Variants in SLC12A3 observed in about 807,000 individuals in gnomAD.
SLC12A3 encodes the protein Na-Cl cotransporter.
Under a neutral mutation model 121.0 loss-of-function variants are expected in SLC12A3, and 104 were observed. The observed-to-expected ratio is 0.86, with a 90% CI of 0.73 to 1.01. The LOEUF is 1.01. Ranked by LOEUF, SLC12A3 falls within the 50% of genes least tolerant of loss-of-function variation. The probability of loss-of-function intolerance (pLI) is 0.00; values close to 1 mark genes in which losing one functional copy is unlikely to be tolerated. For missense variants in SLC12A3, 1,328 were observed against 1,356.3 expected (o/e 0.98, Z 0.33); for synonymous variants, 536 against 533.4 (o/e 1.00, Z -0.07).
rs1277116234 is a variant in SLC12A3, at chr16:56,914,322, CAGTA to C, written c.*920_*923del. 1 of 152,242 alleles carries C rather than the reference CAGTA, an allele frequency of 6.6e-6. No individual in the cohort carries two copies. The highest frequency in any genetic ancestry group is 1.5e-5 in the Non-Finnish European group (1 of 68,054). 9.4% of individuals were successfully genotyped at this position (152,242 alleles called of 1,614,324 possible). Reference sequence around the variant, plus strand: ...TTCGAACTTTTTTGGTTGCAACACACAGTAAGAAATATACTTCACACTGAGACTT... The same window carrying C: ...TTCGAACTTTTTTGGTTGCAACACACAGAAATATACTTCACACTGAGACTT... On this transcript the variant is annotated 3_prime_UTR_variant, in exon 26 of 26. Transcript: ENST00000563236.
chr16:56,877,431 A>T (rs2055177825), intron 8 of SLC12A3, among the ~76,000 whole-genome samples: 2 of 152,188 alleles, frequency 1.3e-5, no homozygotes, highest in African/African-American at 2.4e-5. Context: ...AAATAATTTT[A>T]AAAAAGCAAG....
intron 24 of SLC12A3, 23 bp downstream of exon 24, chr16:56,902,531 G>GGGGCGCC: frequency 1.3e-5 from 9 of 714,460 alleles, no homozygotes; most frequent in Non-Finnish European, 2.2e-5. Context: ...GTGGGGGTGG[G>GGGGCGCC]AAACGCGACA....
At chr16:56,907,363 CAGG>C (rs10566941) in intron 25 of SLC12A3, among the ~76,000 whole-genome samples, 5,498 of 152,256 alleles carry the variant, frequency 0.036, 154 homozygotes, top group African/African-American at 0.074. Flanking sequence ...GAGGCTGAGA[CAGG>C]AGAATTGCTT....
chr16:56,901,345 C>CTTTTTTT (rs1408480661), intron 23 of SLC12A3, among the ~76,000 whole-genome samples: 13 of 84,142 alleles, frequency 1.5e-4, no homozygotes, highest in African/African-American at 7.4e-4. Context: ...ATCTCTCTCT[C>CTTTTTTT]TCTTTTTTTT....
intron 25 of SLC12A3, among the ~76,000 whole-genome samples, chr16:56,908,161 C>CT (rs55644914): frequency 0.45 from 43,557 of 96,858 alleles, 11,733 homozygotes; most frequent in Non-Finnish European, 0.53. Flanking sequence ...AGTGATATAA[C>CT]TTTTTTTTTT....
intron 8 of SLC12A3, among the ~76,000 whole-genome samples, chr16:56,877,712 C>T (rs1255841097): frequency 2.0e-5 from 3 of 152,230 alleles, no homozygotes; most frequent in East Asian, 3.8e-4. Context: ...ACTCCAGAGC[C>T]CACCACCCTG....
In SLC12A3 at chr16:56,868,073, C is replaced by T. The variant is rs527873079; in HGVS notation, c.430-224C>T. On this transcript the variant is annotated intron_variant, in intron 2 of 25. Transcript: ENST00000563236. ...CTGGTAGCCTAGCGTCAGGACTCAACGGGAGGGTGGGAAAATAGGTGGGAG... is the reference window on the plus strand; with the variant it reads ...CTGGTAGCCTAGCGTCAGGACTCAATGGGAGGGTGGGAAAATAGGTGGGAG... Among the ~76,000 whole-genome samples the T allele has an allele frequency of 5.3e-5, 8 of 152,216 alleles. No individual in the cohort carries two copies. The East Asian group carries it at 7.7e-4, about 15-fold the overall frequency.
intron 18 of SLC12A3, among the ~76,000 whole-genome samples, 169 bp downstream of exon 18, chr16:56,888,200 G>C (rs886209598): frequency 6.6e-6 from 1 of 152,214 alleles, no homozygotes; most frequent in Non-Finnish European, 1.5e-5. Context: ...GCTCACTTGA[G>C]CCCAGGAGTT....
intron 18 of SLC12A3, 50 bp from the exon 19 acceptor site, chr16:56,890,224 C>A: frequency 1.4e-6 from 2 of 1,480,060 alleles, no homozygotes; most frequent in African/African-American, 1.4e-5. Flanking sequence ...CAGGTCACCT[C>A]CCCAGTGGGA....
chr16:56,887,703 A>T (rs1208802903), intron 17 of SLC12A3, among the ~76,000 whole-genome samples: 1 of 149,026 alleles, frequency 6.7e-6, no homozygotes, highest in Non-Finnish European at 1.5e-5. Context: ...TGGAATTCAG[A>T]TATTTCCTCC....
At chr16:56,901,132 C>T (rs533795476) in intron 23 of SLC12A3, among the ~76,000 whole-genome samples, 2 of 152,268 alleles carry the variant, frequency 1.3e-5, no homozygotes, top group African/African-American at 2.4e-5. Flanking sequence ...TCCAAGACAC[C>T]CCTTCCACTG....
intron 8 of SLC12A3, among the ~76,000 whole-genome samples, chr16:56,874,958 G>C (rs2055147708): frequency 6.6e-6 from 1 of 152,218 alleles, no homozygotes; most frequent in Admixed American, 6.5e-5. Flanking sequence ...CTGGGGAATG[G>C]CCAGCAGAGG....
intron 23 of SLC12A3, 111 bp from the exon 24 acceptor site, chr16:56,902,262 C>T: frequency 4.3e-6 from 6 of 1,385,868 alleles, no homozygotes; most frequent in Non-Finnish European, 6.1e-6. Flanking sequence ...CGATGGGTTT[C>T]AGCCTGAAAA....
rs1224071511 is a variant in SLC12A3, at chr16:56,890,336, C to G, written c.2348C>G (p.Ser783Cys). 6.2e-7 allele frequency: 1 copy of G among 1,614,062 alleles called. No homozygotes were observed. The highest frequency in any genetic ancestry group is 1.1e-5 in the South Asian group (1 of 91,084). Residue 783 changes from serine to cysteine, a missense_variant, in exon 19 of 26, where the codon TCC becomes TGC. By Grantham distance (112) the Ser-to-Cys change is moderately radical. Transcript: ENST00000563236. ...AGGATGCGGGAGGGACTCAACGTGT[C>G]CAAGATGATGCAGGCGCACAGTGAG... is the stretch of plus-strand genomic sequence containing the variant. ...VMRMREGLNV[S>C]KMMQAHINPV...
chr16:56,874,800 A>G (rs570452430), intron 8 of SLC12A3, among the ~76,000 whole-genome samples: 1 of 152,144 alleles, frequency 6.6e-6, no homozygotes, highest in South Asian at 2.1e-4. Flanking sequence ...GCGGAACTCC[A>G]TCTCAAACCT....
rs146738949 is a variant in SLC12A3 at position 56,879,681 on chromosome 16, G to C, written c.1443+32G>C. 5 of 1,537,734 alleles carry C rather than the reference G, an allele frequency of 3.3e-6. No homozygotes were observed. The South Asian group carries it at 3.3e-5, about 10-fold the overall frequency. ...CCGCAGAAAGGGGTCGAGATGACAG[G>C]GGGTGGGGAGCCTGGGCTAGAGGCA... On this transcript the variant is annotated intron_variant, in intron 11 of 25. Transcript: ENST00000563236.
intron 13 of SLC12A3, among the ~76,000 whole-genome samples, chr16:56,883,354 C>T (rs1185183999): frequency 1.4e-5 from 2 of 145,980 alleles, no homozygotes; most frequent in African/African-American, 5.1e-5. Flanking sequence ...GATCTCGGCT[C>T]ACTGCAAGCT....
At chr16:56,895,910 A>C (rs1386933885) in intron 22 of SLC12A3, among the ~76,000 whole-genome samples, 1 of 152,038 alleles carries the variant, frequency 6.6e-6, no homozygotes, top group African/African-American at 2.4e-5. Flanking sequence ...ATGGCCCTCT[A>C]AGATCCTGCA....
intron 17 of SLC12A3, among the ~76,000 whole-genome samples, chr16:56,887,670 G>A (rs1164555354): frequency 6.6e-6 from 1 of 150,960 alleles, no homozygotes; most frequent in Admixed American, 6.6e-5. Flanking sequence ...TGGTGACCAA[G>A]CGAGAACTAG....
Sources: gnomAD v4.1 joint callset for allele counts (sites outside exome capture counted in the v4.1 genomes callset) on GRCh38, gnomAD v4.1.1 for gene constraint, MANE v1.5 for transcripts, NCBI Gene and HGNC (gene_info 2026-07-23, HGNC 2026-07-21) for gene names.